The following PPP2R3B variants were observed in gnomAD, a reference collection of about 807,000 sequenced individuals.
The protein encoded by PPP2R3B is protein phosphatase 2 regulatory subunit B''beta.
PPP2R3B carries 68 observed loss-of-function variants against 72.9 expected under a neutral mutation model. That is an observed-to-expected ratio of 0.93 (90% CI 0.77 to 1.14). The LOEUF is 1.14. PPP2R3B is among the 50% of genes most tolerant of loss of function. The pLI, the probability that PPP2R3B is intolerant of heterozygous loss-of-function variation, is 0.00. For synonymous variants in PPP2R3B, 466 were observed against 375.8 expected (o/e 1.24, Z -2.78); for missense variants, 1,018 against 842.0 (o/e 1.21, Z -2.59).
intron 1 of PPP2R3B, among the ~76,000 whole-genome samples, chrX:363,577 A>G: frequency 6.9e-6 from 1 of 145,516 alleles, no homozygotes; most frequent in African/African-American, 2.6e-5. Flanking sequence ...TGAGTCCACG[A>G]TCCCACAATG....
At chrX:367,856 G>C (rs1316760915) in intron 1 of PPP2R3B, among the ~76,000 whole-genome samples, 2 of 151,752 alleles carry the variant, frequency 1.3e-5, no homozygotes, top group Non-Finnish European at 2.9e-5. Context: ...ATTTTTTTTT[G>C]AGATGGAAAA....
chrX:338,906 G>C lies in PPP2R3B; in HGVS notation c.1352-10C>G. On this transcript the variant is annotated splice_polypyrimidine_tract_variant and intron_variant, in intron 10 of 12. Transcript: ENST00000390665. ...TGCAGCGTGATCTTCCCTGCGGGGA[G>C]GGGAGTGCGTCCAAGGCGCGTGAGC... is the stretch of plus-strand genomic sequence containing the variant. 2 of 1,610,120 alleles carry C rather than the reference G, an allele frequency of 1.2e-6. No homozygotes were observed. Among genetic ancestry groups the C allele is most frequent in the Non-Finnish European group, 1.7e-6 (2 of 1,177,774 alleles).
chrX:352,883 G>A (rs941443534), intron 2 of PPP2R3B, among the ~76,000 whole-genome samples: 4 of 150,782 alleles, frequency 2.7e-5, no homozygotes, highest in African/African-American at 4.9e-5. Flanking sequence ...GAGTGACATC[G>A]CGGAGCCGGA....
rs1313800570 is a variant in PPP2R3B, at chrX:334,035, C to G, written c.*332G>C. 7.9e-6 allele frequency: 2 copies of G among 254,224 alleles called. No individual in the cohort carries two copies. The highest frequency in any genetic ancestry group is 7.3e-5 in the East Asian group (1 of 13,652). 15.7% of individuals were successfully genotyped at this position (254,224 alleles called of 1,614,324 possible). A position where few individuals can be genotyped will look rare whatever the true frequency, so the allele number is the denominator to read the frequency against. On this transcript the variant is annotated 3_prime_UTR_variant, in exon 13 of 13. Transcript: ENST00000390665. ...GGCTCCTGTCCAGGACTGAGGCGCC[C>G]GGGAGCCGCCGGTCACCGTTGTGCG... is the stretch of plus-strand genomic sequence containing the variant.
In PPP2R3B at chrX:386,616, C is replaced by T. The variant is rs1266852200; in HGVS notation, c.76G>A (p.Ala26Thr). ...TCCTGCAGCATCCGCTGCGTGCTGG[C>T]CTCGCTGAGCCAGTACAGGAACAGC... Reference protein sequence around the residue: ...DELFLYWLSEASTQRMLQDCL... With the variant: ...DELFLYWLSETSTQRMLQDCL... Residue 26 changes from alanine to threonine, a missense_variant, in exon 1 of 13, where the codon GCC becomes ACC. By Grantham distance (58) the Ala-to-Thr change is moderately conservative. Transcript: ENST00000390665. 6.9e-7 allele frequency: 1 copy of T among 1,447,356 alleles called. No homozygotes were observed. Among genetic ancestry groups the T allele is most frequent in the African/African-American group, 1.5e-5 (1 of 68,024 alleles). 89.7% of individuals were successfully genotyped at this position (1,447,356 alleles called of 1,614,324 possible).
At position 363,256 on chromosome X, in the gene PPP2R3B, T is replaced by G. The variant is rs5945457; in HGVS notation, c.325-1666A>C. ...CCCACAGTGCATCTCCCCGAGCCCATGATCCCGCAGTGCATCTCCCCGAGC... is the reference window on the plus strand; with the variant it reads ...CCCACAGTGCATCTCCCCGAGCCCAGGATCCCGCAGTGCATCTCCCCGAGC... On this transcript the variant is annotated intron_variant, in intron 1 of 12. Coordinates refer to ENST00000390665, the MANE Select transcript of PPP2R3B (RefSeq NM_013239.5). Among the ~76,000 whole-genome samples the G allele has an allele frequency of 8.4e-5, 10 of 118,346 alleles. No homozygotes were observed. In the Middle Eastern group the frequency reaches 0.013, roughly 156 times the overall value. 77.6% of individuals were successfully genotyped at this position (118,346 alleles called of 152,430 possible).
chrX:335,109 ACTGAGCTCCCCGCGGTCACCCCCACGGAC>A (rs1411712107), intron 12 of PPP2R3B: 1 of 152,344 alleles, frequency 6.6e-6, no homozygotes, highest in East Asian at 1.9e-4. Flanking sequence ...ACAGCCTGGC[ACTGAGCTCCCCGCGGTCACCCCCACGGAC>A]CTGAGCTCCC....
chrX:336,407 C>T (rs138553573), intron 12 of PPP2R3B: 2,002 of 152,238 alleles, frequency 0.013, 28 homozygotes, highest in Non-Finnish European at 0.019. Flanking sequence ...CGCCAATGAG[C>T]GTGCTTACCG....
rs192994552 is a variant in PPP2R3B at position 345,475 on chromosome X, C to T, written c.1036+41G>A. On this transcript the variant is annotated intron_variant, in intron 7 of 12. Coordinates refer to ENST00000390665, the MANE Select transcript of PPP2R3B (RefSeq NM_013239.5). ...GCAGGCCCTGAGAGAAGGGTGTGCT[C>T]GGTGTCCGCGCGGCCCGCCCGCCCC... 1.7e-3 allele frequency: 2,714 copies of T among 1,609,718 alleles called. 65 individuals carry two copies. In the East Asian group the frequency reaches 0.042, roughly 25 times the overall value.
At chrX:347,724 A>G in intron 2 of PPP2R3B, 31 bp from the exon 3 acceptor site, 1 of 1,481,842 alleles carries the variant, frequency 6.7e-7, no homozygotes, top group Non-Finnish European at 9.0e-7. Context: ...GTGGGCAGTC[A>G]GCAGGGCCTG....
At chrX:370,354 C>T (rs1381024585) in intron 1 of PPP2R3B, among the ~76,000 whole-genome samples, 5 of 152,196 alleles carry the variant, frequency 3.3e-5, no homozygotes, top group South Asian at 2.1e-4. Flanking sequence ...CGCTGAGAGA[C>T]GTCGGCTGGG....
rs34150540 is a variant in PPP2R3B, at chrX:349,439, G to A, written c.511-1746C>T. Among the ~76,000 whole-genome samples, 837 of 152,326 alleles carry A rather than the reference G, an allele frequency of 5.5e-3. 5 individuals are homozygous for A. The highest frequency in any genetic ancestry group is 9.5e-3 in the Non-Finnish European group (649 of 68,030). ...GAAACACCCCAGCTGCTCAGACAGC[G>A]ATGACACATGAACACTTCTTCCCTG... On this transcript the variant is annotated intron_variant, in intron 2 of 12. Transcript: ENST00000390665.
chrX:344,349 G>A (rs1176725029), intron 7 of PPP2R3B, among the ~76,000 whole-genome samples: 2 of 152,216 alleles, frequency 1.3e-5, no homozygotes, highest in Non-Finnish European at 2.9e-5. Flanking sequence ...ACGGGAGGCA[G>A]GAGTGAAAGC....
At chrX:373,147 G>A (rs757272107) in intron 1 of PPP2R3B, among the ~76,000 whole-genome samples, 3 of 152,138 alleles carry the variant, frequency 2.0e-5, no homozygotes, top group Non-Finnish European at 4.4e-5. Context: ...GCAATGCAAG[G>A]TATATTTAAA....
At chrX:338,344 G>A (rs918988550) in intron 12 of PPP2R3B, 80 of 591,516 alleles carry the variant, frequency 1.4e-4, no homozygotes, top group African/African-American at 1.2e-3. Flanking sequence ...CCTGATGTGC[G>A]AAGCCTCGCG....
At chrX:345,473 C>T (rs763247066) in intron 7 of PPP2R3B, 43 bp downstream of exon 7, 1 of 1,610,058 alleles carries the variant, frequency 6.2e-7, no homozygotes, top group Non-Finnish European at 8.5e-7. Flanking sequence ...GAAGGGTGTG[C>T]TCGGTGTCCG....
chrX:379,958 A>G (rs761246151), intron 1 of PPP2R3B, among the ~76,000 whole-genome samples: 1 of 152,156 alleles, frequency 6.6e-6, no homozygotes, highest in African/African-American at 2.4e-5. Context: ...AATAATAATA[A>G]AACAGACGTA....
intron 1 of PPP2R3B, among the ~76,000 whole-genome samples, chrX:363,443 C>A (rs758255763): frequency 5.9e-4 from 90 of 151,828 alleles, no homozygotes; most frequent in African/African-American, 1.8e-3. Flanking sequence ...TCCCACAATG[C>A]ATCTCCCCGA....
At chrX:358,006 CG>C (rs1407395936) in intron 2 of PPP2R3B, among the ~76,000 whole-genome samples, 13 of 152,196 alleles carry the variant, frequency 8.5e-5, no homozygotes, top group African/African-American at 2.7e-4. Flanking sequence ...TCCCCTCAGA[CG>C]TGAGTTCTCA....
Sources: gnomAD v4.1 joint callset for allele counts (sites outside exome capture counted in the v4.1 genomes callset) on GRCh38, gnomAD v4.1.1 for gene constraint, MANE v1.5 for transcripts, NCBI Gene and HGNC (gene_info 2026-07-23, HGNC 2026-07-21) for gene names.